Variants in CTNNA1 observed in about 807,000 individuals in gnomAD.
The protein encoded by CTNNA1 is catenin alpha 1.
A neutral mutation model predicts 98.4 loss-of-function variants in CTNNA1; 37 were observed. The observed-to-expected ratio is 0.38, with a 90% CI of 0.29 to 0.49. The LOEUF (loss-of-function observed/expected upper bound fraction) is 0.49, where lower values mean the gene tolerates loss of function less well. Among genes scored for constraint, CTNNA1 ranks in the 20% least tolerant of loss-of-function variants. The pLI, the probability that CTNNA1 is intolerant of heterozygous loss-of-function variation, is 0.95. For missense variants in CTNNA1, 761 were observed against 1,147.2 expected, an observed-to-expected ratio of 0.66 and a Z score of 4.86; for synonymous variants, 404 against 413.2, an observed-to-expected ratio of 0.98 and a Z score of 0.27.
chr5:138,803,274 C>G lies in CTNNA1; in HGVS notation c.302-6764C>G, dbSNP rs1757759697. 1.3e-5 allele frequency among the ~76,000 whole-genome samples: 2 copies of G among 151,988 alleles called. 1 individual carries two copies. Among genetic ancestry groups the G allele is most frequent in the Non-Finnish European group, 2.9e-5 (2 of 67,998 alleles). On this transcript the variant is annotated intron_variant, in intron 3 of 17. Transcript: ENST00000302763. ...GCTCAAGCGATCATCCCATCTTAGC[C>G]TCCCAAGTAGCTAAGACTATAGGTG...
intron 7 of CTNNA1, chr5:138,872,231 G>A (rs928547098): frequency 4.6e-5 from 7 of 152,532 alleles, no homozygotes; most frequent in East Asian, 3.8e-4. Flanking sequence ...TAAAACAGTT[G>A]TCTAAATGCC....
intron 10 of CTNNA1, among the ~76,000 whole-genome samples, chr5:138,914,937 G>A (rs771482343): frequency 6.6e-6 from 1 of 152,012 alleles, no homozygotes; most frequent in African/African-American, 2.4e-5. Context: ...CACAAGGTCA[G>A]GAGATCGAGA....
chr5:138,934,115 C>T lies in CTNNA1; in HGVS notation c.*26C>T. ...GTCTGCCCAGGCCGGCCGCCCCCAC[C>T]CCTCGGGGCTCCTGAATATCAGTCA... On this transcript the variant is annotated 3_prime_UTR_variant, in exon 18 of 18. Coordinates refer to ENST00000302763, the MANE Select transcript of CTNNA1 (RefSeq NM_001903.5). 1.3e-6 allele frequency: 2 copies of T among 1,573,060 alleles called. No individual in the cohort carries two copies. Among genetic ancestry groups the T allele is most frequent in the Middle Eastern group, 1.9e-4 (1 of 5,226 alleles).
chr5:138,889,631 C>T (rs1466879881), intron 9 of CTNNA1, among the ~76,000 whole-genome samples: 1 of 145,836 alleles, frequency 6.9e-6, no homozygotes, highest in African/African-American at 2.6e-5. Flanking sequence ...CAAAGGCCCC[C>T]CCACCCCCAC....
At chr5:138,929,700 G>T (rs1764896321) in intron 14 of CTNNA1, among the ~76,000 whole-genome samples, 1 of 152,220 alleles carries the variant, frequency 6.6e-6, no homozygotes, top group Admixed American at 6.5e-5. Flanking sequence ...GATACTATGG[G>T]TATGAACTAT....
At chr5:138,871,861 A>G (rs963313893) in intron 7 of CTNNA1, 1 of 152,034 alleles carries the variant, frequency 6.6e-6, no homozygotes, top group African/African-American at 2.4e-5. Context: ...GTTTTTTTTC[A>G]TGGTTCCTTT....
At chr5:138,933,441 C>T (rs770834223) in intron 17 of CTNNA1, among the ~76,000 whole-genome samples, 1 of 152,170 alleles carries the variant, frequency 6.6e-6, no homozygotes, top group Admixed American at 6.5e-5. Flanking sequence ...TCTGCTTTGC[C>T]ATAAACATCC....
At chr5:138,792,278 C>G (rs1327437771) in intron 3 of CTNNA1, among the ~76,000 whole-genome samples, 1 of 152,136 alleles carries the variant, frequency 6.6e-6, no homozygotes, top group Non-Finnish European at 1.5e-5. Context: ...TATTTCATCC[C>G]TGACAAAAGG....
intron 7 of CTNNA1, chr5:138,827,976 A>C: frequency 2.1e-6 from 1 of 466,320 alleles, no homozygotes; most frequent in Non-Finnish European, 3.9e-6. Context: ...ATCAATTAAC[A>C]TGTAGATACA....
intron 5 of CTNNA1, among the ~76,000 whole-genome samples, chr5:138,813,905 A>G (rs1759121819): frequency 6.6e-6 from 1 of 152,212 alleles, no homozygotes; most frequent in Admixed American, 6.5e-5. Flanking sequence ...GGCATGAGCC[A>G]CTGTGGCTAG....
At chr5:138,801,463 C>T (rs1457252643) in intron 3 of CTNNA1, among the ~76,000 whole-genome samples, 1 of 152,082 alleles carries the variant, frequency 6.6e-6, no homozygotes, top group African/African-American at 2.4e-5. Flanking sequence ...ATCTCTGAAA[C>T]AATTTTCAAT....
chr5:138,791,508 T>G (rs1006297258), intron 3 of CTNNA1, among the ~76,000 whole-genome samples: 3 of 143,604 alleles, frequency 2.1e-5, no homozygotes, highest in Admixed American at 1.5e-4. Flanking sequence ...TCCCAGCTAC[T>G]TGGGAGGCTG....
intron 3 of CTNNA1, among the ~76,000 whole-genome samples, chr5:138,809,627 G>T (rs1018779519): frequency 6.6e-6 from 1 of 152,132 alleles, no homozygotes; most frequent in African/African-American, 2.4e-5. Context: ...TGGTGGTTCT[G>T]CATAATTGTG....
At chr5:138,754,189 A>G (rs1055331309) in intron 1 of CTNNA1, 1 of 150,446 alleles carries the variant, frequency 6.6e-6, no homozygotes, top group Non-Finnish European at 1.5e-5. Flanking sequence ...GGTTGGACGC[A>G]CTTAGCTTTC....
At chr5:138,843,319 A>G (rs551735878) in intron 7 of CTNNA1, among the ~76,000 whole-genome samples, 21 of 151,742 alleles carry the variant, frequency 1.4e-4, no homozygotes, top group Non-Finnish European at 2.4e-4. Context: ...AAAACTCATA[A>G]TAATTTTTTT....
chr5:138,876,932 AG>A (rs1264910246), intron 7 of CTNNA1, among the ~76,000 whole-genome samples: 3 of 152,372 alleles, frequency 2.0e-5, no homozygotes, highest in African/African-American at 7.2e-5. Context: ...CGAAGTACAA[AG>A]GGAGACAGAA....
At chr5:138,893,368 C>A (rs745515263) in intron 9 of CTNNA1, among the ~76,000 whole-genome samples, 1 of 151,908 alleles carries the variant, frequency 6.6e-6, no homozygotes, top group Non-Finnish European at 1.5e-5. Context: ...TCATCATGTT[C>A]GTTCCTATCA....
chr5:138,853,010 C>G (rs1763383392), intron 7 of CTNNA1, among the ~76,000 whole-genome samples: 7 of 152,148 alleles, frequency 4.6e-5, no homozygotes, highest in Admixed American at 3.9e-4. Context: ...CTAATTTGTT[C>G]ATTTTATTGC....
At chr5:138,875,657 C>G in intron 7 of CTNNA1, 1 of 985,362 alleles carries the variant, frequency 1.0e-6, no homozygotes, top group Non-Finnish European at 1.2e-6. Context: ...GTTAGACTGC[C>G]GATTCTGCAT....
Sources: gnomAD v4.1 joint callset for allele counts (sites outside exome capture counted in the v4.1 genomes callset) on GRCh38, gnomAD v4.1.1 for gene constraint, MANE v1.5 for transcripts, NCBI Gene and HGNC (gene_info 2026-07-23, HGNC 2026-07-21) for gene names.